Variants in FAM169A observed in about 807,000 individuals in gnomAD.
The protein encoded by FAM169A is soluble lamin-associated protein of 75 kDa.
In FAM169A, 24 loss-of-function variants were observed where a neutral mutation model predicts 75.7. The ratio of observed to expected loss-of-function variants is 0.32; its 90% CI spans 0.23 to 0.45. The LOEUF (loss-of-function observed/expected upper bound fraction) is 0.45. Ranked by LOEUF, FAM169A falls within the 20% of genes least tolerant of loss-of-function variation. FAM169A has a pLI of 1.00. For missense variants in FAM169A, 673 were observed against 784.0 expected (o/e 0.86, Z 1.69); for synonymous variants, 271 against 271.0 (o/e 1.00, Z 0.00).
intron 8 of FAM169A, among the ~76,000 whole-genome samples, chr5:74,802,005 A>G (rs919430848): frequency 4.7e-4 from 70 of 147,624 alleles, no homozygotes; most frequent in African/African-American, 1.8e-3. Flanking sequence ...TTCCAATGAA[A>G]TATCTCCCAG....
intron 11 of FAM169A, among the ~76,000 whole-genome samples, chr5:74,785,836 A>G (rs887190314): frequency 6.6e-6 from 1 of 152,268 alleles, no homozygotes; most frequent in African/African-American, 2.4e-5. Context: ...AATTCTCAAA[A>G]GAAGATATAC....
intron 1 of FAM169A, among the ~76,000 whole-genome samples, chr5:74,846,479 T>A (rs1749161919): frequency 6.6e-6 from 1 of 152,242 alleles, no homozygotes; most frequent in Non-Finnish European, 1.5e-5. Flanking sequence ...CACTTACTGT[T>A]ACTATGATAC....
intron 11 of FAM169A, among the ~76,000 whole-genome samples, chr5:74,792,013 A>G (rs565200940): frequency 2.0e-5 from 3 of 152,358 alleles, no homozygotes; most frequent in Admixed American, 6.5e-5. Flanking sequence ...ATCATGTGAC[A>G]TAAGATTTAT....
chr5:74,855,070 C>T (rs1416227336), intron 1 of FAM169A, among the ~76,000 whole-genome samples: 1 of 152,160 alleles, frequency 6.6e-6, no homozygotes, highest in Non-Finnish European at 1.5e-5. Flanking sequence ...ATTTACATTC[C>T]CACCAACAGT....
intron 11 of FAM169A, among the ~76,000 whole-genome samples, chr5:74,790,289 C>T (rs929211721): frequency 7.9e-5 from 12 of 152,166 alleles, no homozygotes; most frequent in African/African-American, 1.2e-4. Context: ...CCCTATAGCC[C>T]CTTTCCTGAA....
intron 11 of FAM169A, among the ~76,000 whole-genome samples, chr5:74,790,754 C>G (rs1418918304): frequency 3.9e-5 from 6 of 152,192 alleles, no homozygotes. Flanking sequence ...CCAAGGCTGA[C>G]CTGGCTAAGG....
chr5:74,819,467 A>G (rs1362869491), intron 5 of FAM169A, among the ~76,000 whole-genome samples: 1 of 152,218 alleles, frequency 6.6e-6, no homozygotes, highest in Non-Finnish European at 1.5e-5. Flanking sequence ...GTAACATGGT[A>G]CAGTCTCTAT....
At chr5:74,816,215 A>G (rs1055622528) in intron 5 of FAM169A, among the ~76,000 whole-genome samples, 1 of 152,350 alleles carries the variant, frequency 6.6e-6, no homozygotes, top group Non-Finnish European at 1.5e-5. Context: ...AGTGGTAGTC[A>G]AGTTTGAAGT....
At chr5:74,849,051 C>T (rs988440813) in intron 1 of FAM169A, among the ~76,000 whole-genome samples, 2 of 152,050 alleles carry the variant, frequency 1.3e-5, no homozygotes, top group Non-Finnish European at 2.9e-5. Context: ...AAAAAACTGA[C>T]ACAGAATGGA....
intron 11 of FAM169A, among the ~76,000 whole-genome samples, chr5:74,792,879 T>C (rs1456058550): frequency 2.0e-5 from 3 of 152,182 alleles, no homozygotes; most frequent in African/African-American, 7.2e-5. Context: ...TACCATTTGA[T>C]TGAGCAATCC....
chr5:74,814,167 T>C, intron 5 of FAM169A, 148 bp from the exon 6 acceptor site: 2 of 531,790 alleles, frequency 3.8e-6, no homozygotes, highest in Non-Finnish European at 6.4e-6. Flanking sequence ...TAAAGTGTTT[T>C]TCAGCTACTA....
intron 5 of FAM169A, among the ~76,000 whole-genome samples, chr5:74,828,751 T>C (rs1245385940): frequency 2.0e-5 from 3 of 152,230 alleles, no homozygotes; most frequent in African/African-American, 7.2e-5. Flanking sequence ...AAAGTTTTGT[T>C]GCTGTTACAC....
At chr5:74,827,669 CTTT>C (rs555386249) in intron 5 of FAM169A, among the ~76,000 whole-genome samples, 6 of 138,720 alleles carry the variant, frequency 4.3e-5, no homozygotes, top group Non-Finnish European at 3.2e-5. Context: ...TGGAGCTTAT[CTTT>C]TTTTTTTTTT....
At chr5:74,815,262 T>C (rs1747411769) in intron 5 of FAM169A, among the ~76,000 whole-genome samples, 1 of 152,008 alleles carries the variant, frequency 6.6e-6, no homozygotes, top group Non-Finnish European at 1.5e-5. Context: ...CGATTTCAGC[T>C]CACTGCAACT....
At chr5:74,818,611 T>C (rs1747594959) in intron 5 of FAM169A, among the ~76,000 whole-genome samples, 2 of 143,942 alleles carry the variant, frequency 1.4e-5, no homozygotes, top group Admixed American at 1.4e-4. Flanking sequence ...ATACTGTATG[T>C]CCTTATTTAT....
intron 11 of FAM169A, among the ~76,000 whole-genome samples, chr5:74,793,740 A>C (rs1746103484): frequency 6.6e-6 from 1 of 152,202 alleles, no homozygotes; most frequent in Non-Finnish European, 1.5e-5. Context: ...ACAGTGGCTC[A>C]AGCCTATAAT....
chr5:74,799,798 C>A, intron 10 of FAM169A: 1 of 1,091,020 alleles, frequency 9.2e-7, no homozygotes, highest in Non-Finnish European at 1.4e-6. Context: ...GACTGCTGAC[C>A]AATGCTCTTG....
At chr5:74,840,032 G>A in intron 3 of FAM169A, 42 bp downstream of exon 3, 1 of 1,040,128 alleles carries the variant, frequency 9.6e-7, no homozygotes, top group South Asian at 1.5e-5. Context: ...TAACAGTTTG[G>A]AGAAAAATTC....
At chr5:74,849,356 T>C (rs1346435882) in intron 1 of FAM169A, among the ~76,000 whole-genome samples, 1 of 152,174 alleles carries the variant, frequency 6.6e-6, no homozygotes, top group Non-Finnish European at 1.5e-5. Context: ...AACTATATTC[T>C]GAAAAGATGG....
Sources: gnomAD v4.1 joint callset for allele counts (sites outside exome capture counted in the v4.1 genomes callset) on GRCh38, gnomAD v4.1.1 for gene constraint, MANE v1.5 for transcripts, NCBI Gene and HGNC (gene_info 2026-07-23, HGNC 2026-07-21) for gene names.